The following SCNN1B variants were observed in gnomAD, a reference collection of about 807,000 sequenced individuals.
SCNN1B encodes the protein sodium channel epithelial 1 subunit beta.
In SCNN1B, 46 loss-of-function variants were observed where a neutral mutation model predicts 65.3. The observed-to-expected ratio is 0.70, with a 90% CI of 0.56 to 0.90. The LOEUF (loss-of-function observed/expected upper bound fraction) is 0.90. Ranked by LOEUF, SCNN1B falls within the 40% of genes least tolerant of loss-of-function variation. SCNN1B has a pLI of 0.00. For missense variants in SCNN1B, 751 were observed against 830.5 expected (o/e 0.90, Z 1.18); for synonymous variants, 349 against 330.6 (o/e 1.06, Z -0.60).
intron 7 of SCNN1B, among the ~76,000 whole-genome samples, chr16:23,375,004 A>G (rs554002604): frequency 1.3e-5 from 2 of 152,230 alleles, no homozygotes; most frequent in Admixed American, 6.5e-5. Flanking sequence ...TGTTTCACCT[A>G]TGAGTAAACC....
intron 2 of SCNN1B, among the ~76,000 whole-genome samples, chr16:23,295,954 C>T (rs559425905): frequency 4.2e-4 from 64 of 152,276 alleles, no homozygotes; most frequent in Admixed American, 2.3e-3. Flanking sequence ...GAAAAGTATG[C>T]GCTCTGAGCT....
In SCNN1B at chr16:23,371,323, G is replaced by C. The variant is rs201115205; in HGVS notation, c.905G>C (p.Gly302Ala). The C allele has an allele frequency of 3.1e-6, 5 of 1,613,988 alleles. No individual in the cohort carries two copies. In the South Asian group the frequency reaches 4.4e-5, roughly 14 times the overall value. ...EFGLKLILDI[G>A]QEDYVPFLAS... ...GGCCTGAAGTTGATCCTGGACATAGGCCAGGAAGACTACGTCCCCTTCCTT... is the reference window on the plus strand; with the variant it reads ...GGCCTGAAGTTGATCCTGGACATAGCCCAGGAAGACTACGTCCCCTTCCTT... The change falls in exon 6 of 13, where the codon GGC (glycine) becomes GCC (alanine). Residue 302 changes from glycine (G) to alanine (A), a missense_variant. Physicochemically the swap from Gly to Ala is moderately conservative, Grantham distance 60. Transcript: ENST00000343070.
chr16:23,336,585 T>C (rs1428627652), intron 1 of SCNN1B, among the ~76,000 whole-genome samples: 1 of 152,044 alleles, frequency 6.6e-6, no homozygotes, highest in African/African-American at 2.4e-5. Flanking sequence ...TTGGCCAGGA[T>C]GGTCTCGATT....
intron 4 of SCNN1B, among the ~76,000 whole-genome samples, chr16:23,359,670 G>T (rs1486838042): frequency 1.3e-5 from 2 of 152,252 alleles, no homozygotes; most frequent in East Asian, 1.9e-4. Flanking sequence ...AGCAGCAGCT[G>T]CAGAATTAGG....
At chr16:23,344,231 C>T (rs954429225) in intron 1 of SCNN1B, among the ~76,000 whole-genome samples, 4 of 152,160 alleles carry the variant, frequency 2.6e-5, no homozygotes, top group Non-Finnish European at 5.9e-5. Flanking sequence ...CAGAATGTTA[C>T]CCATTCTAAC....
rs116925322 is a variant in SCNN1B, at chr16:23,320,254, G to A, written c.-9+17817G>A. On this transcript the variant is annotated intron_variant, in intron 1 of 12. Transcript: ENST00000343070. ...CATGGCCAGAGCCTCCTGGAAGGCTGTTAAAACCCAGATTGCTAGTTAAAA... is the reference window on the plus strand; with the variant it reads ...CATGGCCAGAGCCTCCTGGAAGGCTATTAAAACCCAGATTGCTAGTTAAAA... 6.9e-3 allele frequency among the ~76,000 whole-genome samples: 1,054 copies of A among 152,264 alleles called. 16 individuals carry two copies. Among genetic ancestry groups the A allele is most frequent in the Non-Finnish European group, 7.5e-3 (511 of 68,020 alleles).
At chr16:23,289,228 T>C (rs1960890579) in intron 2 of SCNN1B, among the ~76,000 whole-genome samples, 1 of 152,124 alleles carries the variant, frequency 6.6e-6, no homozygotes, top group African/African-American at 2.4e-5. Flanking sequence ...GCTTGAGTCA[T>C]AGAAGGATTA....
chr16:23,375,267 C>A (rs1962869407), intron 7 of SCNN1B, among the ~76,000 whole-genome samples: 1 of 152,192 alleles, frequency 6.6e-6, no homozygotes, highest in Admixed American at 6.5e-5. Context: ...CATCCTTCTC[C>A]TGGCTTTCCC....
intron 2 of SCNN1B, among the ~76,000 whole-genome samples, chr16:23,286,337 C>A (rs1960850427): frequency 6.6e-6 from 1 of 152,208 alleles, no homozygotes; most frequent in South Asian, 2.1e-4. Context: ...GGATATTTAA[C>A]CTCCGCCTCC....
intron 4 of SCNN1B, among the ~76,000 whole-genome samples, chr16:23,366,393 T>G (rs1435799601): frequency 2.0e-5 from 3 of 152,128 alleles, no homozygotes; most frequent in Non-Finnish European, 4.4e-5. Flanking sequence ...TTATTTTTTA[T>G]TTTTTGTAGA....
At chr16:23,359,781 T>C (rs1347745963) in intron 4 of SCNN1B, among the ~76,000 whole-genome samples, 1 of 152,240 alleles carries the variant, frequency 6.6e-6, no homozygotes, top group African/African-American at 2.4e-5. Flanking sequence ...TGTGCCTCAG[T>C]TTCCTCACCT....
At chr16:23,338,870 T>C (rs1455056939) in intron 1 of SCNN1B, among the ~76,000 whole-genome samples, 2 of 152,256 alleles carry the variant, frequency 1.3e-5, no homozygotes. Context: ...TTGTTAGAAC[T>C]TTATTGAGAC....
intron 2 of SCNN1B, among the ~76,000 whole-genome samples, chr16:23,291,225 C>T (rs1235709554): frequency 6.6e-6 from 1 of 151,956 alleles, no homozygotes; most frequent in Non-Finnish European, 1.5e-5. Flanking sequence ...CCAAGCCTAG[C>T]TAATTTCTTG....
intron 1 of SCNN1B, among the ~76,000 whole-genome samples, chr16:23,327,806 G>A (rs1961728138): frequency 1.3e-5 from 2 of 152,144 alleles, no homozygotes; most frequent in Non-Finnish European, 2.9e-5. Context: ...ATGACAAGAT[G>A]GGTCCTCCAA....
chr16:23,326,613 C>T (rs1027790340), intron 1 of SCNN1B, among the ~76,000 whole-genome samples: 3 of 151,882 alleles, frequency 2.0e-5, no homozygotes, highest in East Asian at 3.9e-4. Flanking sequence ...TATAGGTGTG[C>T]GCCACCATGC....
upstream of SCNN1B, among the ~76,000 whole-genome samples, chr16:23,299,762 C>A (rs1302641643): frequency 6.6e-6 from 1 of 152,120 alleles, no homozygotes; most frequent in East Asian, 1.9e-4. Context: ...ATTAGTTCAA[C>A]CATTGTGGAA....
chr16:23,308,722 C>T (rs1158594711), intron 1 of SCNN1B, among the ~76,000 whole-genome samples: 2 of 152,140 alleles, frequency 1.3e-5, no homozygotes, highest in African/African-American at 4.8e-5. Flanking sequence ...GCAACCTCCA[C>T]CTCGGGTTCA....
At chr16:23,370,523 C>T (rs1244118031) in intron 5 of SCNN1B, among the ~76,000 whole-genome samples, 3 of 152,136 alleles carry the variant, frequency 2.0e-5, no homozygotes, top group Non-Finnish European at 2.9e-5. Flanking sequence ...GACCGTGGTG[C>T]GTGGGAGACT....
rs2303156 is a variant in SCNN1B, at chr16:23,375,806, A to C, written c.1221A>C (p.Pro407=). The change falls in exon 8 of 13, where the codon CCA becomes CCC. Residue 407 remains proline, a synonymous_variant. Coordinates refer to ENST00000343070, the MANE Select transcript of SCNN1B (RefSeq NM_000336.3). ...GCAACTGTGGCCACTACCTGTACCC[A>C]CTGCCCCGTGGGGAGAAATACTGCA... ...RNCNCGHYLY[P]LPRGEKYCNN... is the part of the protein sequence containing the mutation. 1.1e-5 allele frequency: 17 copies of C among 1,614,044 alleles called. No homozygotes were observed. Among genetic ancestry groups the C allele is most frequent in the Non-Finnish European group, 1.4e-5 (16 of 1,179,948 alleles).
Sources: gnomAD v4.1 joint callset for allele counts (sites outside exome capture counted in the v4.1 genomes callset) on GRCh38, gnomAD v4.1.1 for gene constraint, MANE v1.5 for transcripts, NCBI Gene and HGNC (gene_info 2026-07-23, HGNC 2026-07-21) for gene names.